Variants in ZFP41 observed in about 807,000 individuals in gnomAD.
ZFP41 encodes the protein zinc finger protein 41 homolog.
Under a neutral mutation model 11.6 loss-of-function variants are expected in ZFP41, and 10 were observed. That is an observed-to-expected ratio of 0.86 (90% confidence interval 0.53 to 1.47). ZFP41 has a LOEUF of 1.47. Among genes scored for constraint, ZFP41 ranks in the 40% most tolerant of loss-of-function variants. The pLI is 0.00. For missense variants in ZFP41, 302 were observed against 264.6 expected (o/e 1.14, Z -0.98); for synonymous variants, 123 against 100.9 (o/e 1.22, Z -1.31).
In ZFP41 at chr8:143,259,446, G is replaced by A. The variant is rs371055918; in HGVS notation, c.*901-329G>A. On this transcript the variant is annotated intron_variant, in intron 2 of 2. Transcript: ENST00000330701. ...GGTGAGTGAGCATTTGCTCTAGCGCGGTTAAAGGATCATGTCATGTACACT... is the reference window on the plus strand; with the variant it reads ...GGTGAGTGAGCATTTGCTCTAGCGCAGTTAAAGGATCATGTCATGTACACT... 3.3e-4 allele frequency among the ~76,000 whole-genome samples: 50 copies of A among 152,248 alleles called. 1 individual carries two copies. The East Asian group carries it at 4.1e-3, about 12-fold the overall frequency.
At position 143,252,768 on chromosome 8, in the gene ZFP41, A is replaced by C. The variant is rs1349939116; in HGVS notation, c.*900+1428A>C. 5 of 357,390 alleles carry C rather than the reference A, an allele frequency of 1.4e-5. 1 individual carries two copies. Among genetic ancestry groups the C allele is most frequent in the Non-Finnish European group, 1.6e-5 (4 of 255,998 alleles). The allele number at this position is 357,390 out of a possible 1,614,324, so 22.1% of individuals were successfully genotyped here. ...GGCTCCCCGGGGCTGTGGTCAGCCC[A>C]CTGCCGTCAGCATGGGGGTGAGGGG... On this transcript the variant is annotated intron_variant, in intron 2 of 2. Transcript: ENST00000330701.
chr8:143,249,676 T>C lies in ZFP41; in HGVS notation c.-154-14T>C. The C allele has an allele frequency of 8.7e-7, 1 of 1,143,092 alleles. No individual in the cohort carries two copies. The allele number at this position is 1,143,092 out of a possible 1,614,324, so 70.8% of individuals were successfully genotyped here. Reference sequence around the variant, plus strand: ...AACCTTTAATCTGAGGTTCATGTTCTTGCTTCTCCCCAGCACCAAGAGGAT... The same window carrying C: ...AACCTTTAATCTGAGGTTCATGTTCCTGCTTCTCCCCAGCACCAAGAGGAT... On this transcript the variant is annotated splice_polypyrimidine_tract_variant and intron_variant, in intron 1 of 2. Coordinates refer to ENST00000330701, the MANE Select transcript of ZFP41 (RefSeq NM_173832.6).
At position 143,250,465 on chromosome 8, in the gene ZFP41, C is replaced by T. The variant is rs748121738; in HGVS notation, c.*25C>T. ...AGCCGGGGCCATCTGCGGACTCGGG[C>T]CCTGCGGTGCGAGCCTCGCCGGACA... is the stretch of plus-strand genomic sequence containing the variant. On this transcript the variant is annotated 3_prime_UTR_variant, in exon 2 of 3. Transcript: ENST00000330701. 1.3e-5 allele frequency: 20 copies of T among 1,596,958 alleles called. No individual in the cohort carries two copies. The Admixed American group carries it at 1.7e-4, about 14-fold the overall frequency.
At chr8:143,253,978 C>T (rs919124334) in intron 2 of ZFP41, among the ~76,000 whole-genome samples, 6 of 152,124 alleles carry the variant, frequency 3.9e-5, no homozygotes, top group South Asian at 2.1e-4. Flanking sequence ...CTAGATCCCT[C>T]GCATGCAGTT....
rs1339896460 is a variant in ZFP41, at chr8:143,249,923, A to T, written c.80A>T (p.Glu27Val). 8.1e-6 allele frequency: 13 copies of T among 1,613,614 alleles called. No individual in the cohort carries two copies. The highest frequency in any genetic ancestry group is 1.1e-5 in the Non-Finnish European group (13 of 1,179,806). Reference sequence around the variant, plus strand: ...GACGTGCAGAAGAGTGCGCTCAGAGAGGAGAAGGTGTCCGGGGACAGAAAG... The same window carrying T: ...GACGTGCAGAAGAGTGCGCTCAGAGTGGAGAAGGTGTCCGGGGACAGAAAG... ...EADVQKSALR[E>V]EKVSGDRKPP... Residue 27 changes from glutamate to valine, a missense_variant, in exon 2 of 3, where the codon GAG becomes GTG. Coordinates refer to ENST00000330701, the MANE Select transcript of ZFP41 (RefSeq NM_173832.6).
At chr8:143,254,411 A>C (rs12155560) in intron 2 of ZFP41, among the ~76,000 whole-genome samples, 4,964 of 152,312 alleles carry the variant, frequency 0.033, 121 homozygotes, top group Non-Finnish European at 0.051. Context: ...GAACTCGGAC[A>C]CAAGAAAGAA....
At position 143,250,127 on chromosome 8, in the gene ZFP41, T is replaced by G. The variant is rs1216252867; in HGVS notation, c.284T>G (p.Ile95Ser). Reference protein sequence around the residue: ...KPYECSECGRIFKHKTDHIRH... With the variant: ...KPYECSECGRSFKHKTDHIRH... ...TATGAGTGCAGTGAGTGTGGGCGGA[T>G]CTTTAAGCACAAGACAGACCACATT... is the stretch of plus-strand genomic sequence containing the variant. Residue 95 changes from isoleucine to serine, a missense_variant, in exon 2 of 3, where the codon ATC (isoleucine) becomes AGC (serine). By Grantham distance (142) the Ile-to-Ser change is moderately radical. Coordinates refer to ENST00000330701, the MANE Select transcript of ZFP41 (RefSeq NM_173832.6). 1 of 1,614,154 alleles carries G rather than the reference T, an allele frequency of 6.2e-7. No individual in the cohort carries two copies.
In ZFP41 at chr8:143,262,049, T is replaced by C. The variant is rs1815059479; in HGVS notation, c.*3175T>C. 1.3e-5 allele frequency: 1 copy of C among 79,454 alleles called. No homozygotes were observed. Among genetic ancestry groups the C allele is most frequent in the African/African-American group, 6.5e-5 (1 of 15,476 alleles). The allele number at this position is 79,454 out of a possible 1,614,324, so 4.9% of individuals were successfully genotyped here. On this transcript the variant is annotated 3_prime_UTR_variant, in exon 3 of 3. Transcript: ENST00000330701. Reference sequence around the variant, plus strand: ...TGCACCCGCACCCCTCACGGCTGTCTCCGGCAGCCCCTGCCCGCGCCCGCA... The same window carrying C: ...TGCACCCGCACCCCTCACGGCTGTCCCCGGCAGCCCCTGCCCGCGCCCGCA...
Position 143,250,364 on chromosome 8 carries a change from CG to C in ZFP41, c.522del (p.His175ThrfsTer99), listed in dbSNP as rs770289660. Reference sequence around the variant, plus strand: ...ACCGGGGAGAAGCCCTACGAATGCACGCACTGTGGGAAAGCCTTTGCCTACA... The same window carrying C: ...ACCGGGGAGAAGCCCTACGAATGCACCACTGTGGGAAAGCCTTTGCCTACA... The part of the protein sequence containing the change: ...THTGEKPYEC[T>X]HCGKAFAYSS... On this transcript the variant is annotated frameshift_variant, in exon 2 of 3. Coordinates refer to ENST00000330701, the MANE Select transcript of ZFP41 (RefSeq NM_173832.6). LOFTEE classifies it high-confidence loss of function. The C allele has an allele frequency of 2.8e-5, 45 of 1,614,006 alleles. No homozygotes were observed. The highest frequency in any genetic ancestry group is 2.3e-4 in the Admixed American group (14 of 60,032).
At position 143,261,931 on chromosome 8, in the gene ZFP41, G is replaced by T. The variant is rs1268503216; in HGVS notation, c.*3057G>T. 1 of 21,380 alleles carries T rather than the reference G, an allele frequency of 4.7e-5. No individual in the cohort carries two copies. The highest frequency in any genetic ancestry group is 7.6e-5 in the Non-Finnish European group (1 of 13,174). The allele number at this position is 21,380 out of a possible 1,614,324, so 1.3% of individuals were successfully genotyped here. A position where few individuals can be genotyped will look rare whatever the true frequency, so the allele number is the denominator to read the frequency against. ...GTCTCCGGCAGCACCTGCCACGCCC[G>T]TCTCCGGCAGCACCTGCCACGCCCG... On this transcript the variant is annotated 3_prime_UTR_variant, in exon 3 of 3. Coordinates refer to ENST00000330701, the MANE Select transcript of ZFP41 (RefSeq NM_173832.6).
intron 2 of ZFP41, among the ~76,000 whole-genome samples, chr8:143,254,125 T>G (rs906550327): frequency 6.6e-6 from 1 of 152,124 alleles, no homozygotes; most frequent in Non-Finnish European, 1.5e-5. Context: ...CATGGACCCG[T>G]CTTGAGGTCA....
chr8:143,252,066 G>T (rs538789298), intron 2 of ZFP41, among the ~76,000 whole-genome samples: 2 of 152,334 alleles, frequency 1.3e-5, no homozygotes, highest in Non-Finnish European at 2.9e-5. Flanking sequence ...CCCATGGGCT[G>T]CACTGACAGA....
chr8:143,249,248 T>A (rs1344296549), intron 1 of ZFP41: 17 of 152,452 alleles, frequency 1.1e-4, no homozygotes, highest in Non-Finnish European at 2.0e-4. Flanking sequence ...GCAGCCCTGG[T>A]TTCATGAACT....
In ZFP41 at chr8:143,258,743, GA is replaced by G. The variant is rs567039731; in HGVS notation, c.*901-1025del. Among the ~76,000 whole-genome samples the G allele has an allele frequency of 8.5e-5, 13 of 152,220 alleles. No individual in the cohort carries two copies. The South Asian group carries it at 2.5e-3, about 29-fold the overall frequency. On this transcript the variant is annotated intron_variant, in intron 2 of 2. Coordinates refer to ENST00000330701, the MANE Select transcript of ZFP41 (RefSeq NM_173832.6). ...AGAAAAATGGGCAAAAGTCGCAGAAGAAAAAAACATCCATGGCTCGTAAATA... is the reference window on the plus strand; with the variant it reads ...AGAAAAATGGGCAAAAGTCGCAGAAGAAAAAACATCCATGGCTCGTAAATA...
intron 1 of ZFP41, chr8:143,249,231 CAG>C (rs1816747694): frequency 6.6e-6 from 1 of 152,536 alleles, no homozygotes; most frequent in South Asian, 2.1e-4. Context: ...TGGTCCATGG[CAG>C]GGGGGCAGCC....
intron 1 of ZFP41, chr8:143,247,677 T>C (rs1816718933): frequency 6.6e-6 from 1 of 152,168 alleles, no homozygotes; most frequent in Non-Finnish European, 1.5e-5. Context: ...AGAACCCCAG[T>C]CTTTAGGGGT....
chr8:143,251,778 G>A (rs765385044), intron 2 of ZFP41, among the ~76,000 whole-genome samples: 2 of 152,200 alleles, frequency 1.3e-5, no homozygotes, highest in Non-Finnish European at 1.5e-5. Flanking sequence ...TAATATTCCT[G>A]CCTGTCTGTG....
chr8:143,258,866 C>T (rs577262989), intron 2 of ZFP41, among the ~76,000 whole-genome samples: 2 of 152,332 alleles, frequency 1.3e-5, no homozygotes, highest in East Asian at 1.9e-4. Flanking sequence ...ATGGCCAGGT[C>T]GGATTCGGAT....
rs1586706846 is a variant in ZFP41, at chr8:143,247,011, G to A, written c.-286G>A. 6.5e-6 allele frequency: 1 copy of A among 152,690 alleles called. No homozygotes were observed. Among genetic ancestry groups the A allele is most frequent in the Middle Eastern group, 3.4e-3 (1 of 294 alleles). 9.5% of individuals were successfully genotyped at this position (152,690 alleles called of 1,614,324 possible). On this transcript the variant is annotated 5_prime_UTR_variant, in exon 1 of 3. Coordinates refer to ENST00000330701, the MANE Select transcript of ZFP41 (RefSeq NM_173832.6). Reference sequence around the variant, plus strand: ...GAGCTGTTGGGGGGTCCCGCATCTAGGGCTCTCCTTTCCTGCCTCCGGCCC... The same window carrying A: ...GAGCTGTTGGGGGGTCCCGCATCTAAGGCTCTCCTTTCCTGCCTCCGGCCC...
Sources: gnomAD v4.1 joint callset for allele counts (sites outside exome capture counted in the v4.1 genomes callset) on GRCh38, gnomAD v4.1.1 for gene constraint, MANE v1.5 for transcripts, NCBI Gene and HGNC (gene_info 2026-07-23, HGNC 2026-07-21) for gene names.